CACNA1C: variants seen among roughly 807,000 people sequenced by gnomAD.
CACNA1C encodes calcium voltage-gated channel subunit alpha1 C.
In CACNA1C, 30 loss-of-function variants were observed where a neutral mutation model predicts 229.0. That is an observed-to-expected ratio of 0.13 (90% CI 0.10 to 0.18). The LOEUF is 0.18. Ranked by LOEUF, CACNA1C falls within the 10% of genes least tolerant of loss-of-function variation. The pLI is 1.00. For synonymous variants in CACNA1C, 1,114 were observed against 1,132.5 expected, an observed-to-expected ratio of 0.98 and a Z score of 0.33; for missense variants, 1,658 against 2,845.0, an observed-to-expected ratio of 0.58 and a Z score of 9.49.
At chr12:2,264,490 G>C (rs1420642491) in intron 3 of CACNA1C, among the ~76,000 whole-genome samples, 1 of 152,224 alleles carries the variant, frequency 6.6e-6, no homozygotes, top group African/African-American at 2.4e-5. Flanking sequence ...ACTTGTCCAA[G>C]TTAGAAGCTT....
At chr12:1,976,012 T>C (rs1432871046) in intron 1 of CACNA1C, among the ~76,000 whole-genome samples, 4 of 152,126 alleles carry the variant, frequency 2.6e-5, no homozygotes, top group Admixed American at 6.6e-5. Flanking sequence ...CACAGAAAAA[T>C]AGAAATACGA....
At chr12:2,634,256 G>A (rs780301259) in intron 29 of CACNA1C, 41 bp from the exon 30 acceptor site, 1 of 747,140 alleles carries the variant, frequency 1.3e-6, no homozygotes, top group Non-Finnish European at 1.8e-6. Flanking sequence ...TTTCTTGTTG[G>A]TTCTTCTTCT....
chr12:1,978,709 C>A (rs547588254), intron 1 of CACNA1C, among the ~76,000 whole-genome samples: 2 of 152,264 alleles, frequency 1.3e-5, no homozygotes, highest in South Asian at 4.1e-4. Flanking sequence ...CAGAGACAAC[C>A]AATTTTTTAC....
At chr12:2,664,737 G>A in intron 34 of CACNA1C, 88 bp from the exon 35 acceptor site, 1 of 1,097,808 alleles carries the variant, frequency 9.1e-7, no homozygotes, top group Non-Finnish European at 1.3e-6. Context: ...TGGGGAAGGA[G>A]GAAAGGGACA....
intron 3 of CACNA1C, among the ~76,000 whole-genome samples, chr12:2,256,002 A>AT (rs1463309875): frequency 2.0e-5 from 3 of 152,296 alleles, no homozygotes; most frequent in Admixed American, 6.5e-5. Context: ...CAATCACACG[A>AT]CCCTGACCTG....
At chr12:2,187,762 A>G (rs1450855474) in intron 3 of CACNA1C, among the ~76,000 whole-genome samples, 1 of 152,222 alleles carries the variant, frequency 6.6e-6, no homozygotes, top group Non-Finnish European at 1.5e-5. Context: ...GAGAAAGATT[A>G]CTAAGGAGCA....
In CACNA1C at chr12:2,597,121, C is replaced by A; in HGVS notation, c.2794-109C>A. 1 of 732,146 alleles carries A rather than the reference C, an allele frequency of 1.4e-6. No homozygotes were observed. The highest frequency in any genetic ancestry group is 1.7e-5 in the South Asian group (1 of 59,890). 45.4% of individuals were successfully genotyped at this position (732,146 alleles called of 1,614,324 possible). A position where few individuals can be genotyped will look rare whatever the true frequency, so the allele number is the denominator to read the frequency against. ...GCAAAGGCTTAAGTGCCAGGCATCT[C>A]ATTTTGAAGTGTGGCCCCTTTTCTG... On this transcript the variant is annotated intron_variant, in intron 20 of 46. Coordinates refer to ENST00000399655, the MANE Select transcript of CACNA1C (RefSeq NM_000719.7). The surrounding 1 kb of genome is among the most constrained non-coding windows in gnomAD (Gnocchi z 4.3).
chr12:2,462,436 CCACATCACCT>C (rs2099516703), intron 5 of CACNA1C, among the ~76,000 whole-genome samples: 1 of 152,212 alleles, frequency 6.6e-6, no homozygotes, highest in Non-Finnish European at 1.5e-5. Flanking sequence ...CTCCATTTCC[CCACATCACCT>C]CTCACCATCT....
chr12:2,143,894 C>T (rs914564126), intron 3 of CACNA1C, among the ~76,000 whole-genome samples: 6 of 150,748 alleles, frequency 4.0e-5, no homozygotes, highest in African/African-American at 1.5e-4. Flanking sequence ...TTGCTATTTC[C>T]TCTCTCCACC....
At chr12:2,049,509 A>C (rs1362443658), upstream of CACNA1C, 1 of 152,258 alleles carries the variant, frequency 6.6e-6, no homozygotes, top group African/African-American at 2.4e-5. Flanking sequence ...CTGTGGTCAC[A>C]TTTAAAAATC....
chr12:2,227,519 G>A (rs1227148840), intron 3 of CACNA1C, among the ~76,000 whole-genome samples: 1 of 152,192 alleles, frequency 6.6e-6, no homozygotes, highest in Non-Finnish European at 1.5e-5. Context: ...TGCTCAGCCT[G>A]TGGTGAATCA....
chr12:2,677,618 C>A lies in CACNA1C; in HGVS notation c.4957-115C>A. The A allele has an allele frequency of 8.3e-7, 1 of 1,211,962 alleles. No individual in the cohort carries two copies. Among genetic ancestry groups the A allele is most frequent in the Non-Finnish European group, 1.2e-6 (1 of 853,448 alleles). The allele number at this position is 1,211,962 out of a possible 1,614,324, so 75.1% of individuals were successfully genotyped here. On this transcript the variant is annotated intron_variant, in intron 40 of 46. Transcript: ENST00000399655. This position sits in a 1 kb window ranked among gnomAD's most constrained non-coding sequence, Gnocchi z 7.4. ...ACAAACCTTCCGGAGGGTCGACTGG[C>A]TGGGTGGAGGATGCCAGGGCCCTGG...
chr12:2,607,629 C>T (rs916787607), intron 26 of CACNA1C, among the ~76,000 whole-genome samples: 1 of 152,188 alleles, frequency 6.6e-6, no homozygotes, highest in Non-Finnish European at 1.5e-5. Flanking sequence ...GATGGAAGCC[C>T]GGGCCCCACT....
At chr12:2,390,304 G>A (rs2098461064) in intron 3 of CACNA1C, among the ~76,000 whole-genome samples, 2 of 152,206 alleles carry the variant, frequency 1.3e-5, no homozygotes. Context: ...AATGAGGACT[G>A]TCCTGGGCTA....
chr12:2,638,175 G>A (rs1267504490), intron 30 of CACNA1C, among the ~76,000 whole-genome samples: 10 of 152,244 alleles, frequency 6.6e-5, no homozygotes, highest in East Asian at 3.8e-4. Flanking sequence ...CTCATACGGT[G>A]TGTTAGAAGA....
rs925973610 is a variant in CACNA1C at position 2,664,738 on chromosome 12, G to GA, written c.4233-84dup. 45 of 1,109,744 alleles carry GA rather than the reference G, an allele frequency of 4.1e-5. No homozygotes were observed. In the African/African-American group the frequency reaches 7.0e-4, roughly 17 times the overall value. 68.7% of individuals were successfully genotyped at this position (1,109,744 alleles called of 1,614,324 possible). On this transcript the variant is annotated intron_variant, in intron 34 of 46. Transcript: ENST00000399655. ...TTAGTAACTCCCTCTGGGGAAGGAG[G>GA]AAAGGGACAGGTGGGGAGGGATGCA...
chr12:2,341,848 T>G (rs1162735567), intron 3 of CACNA1C, among the ~76,000 whole-genome samples: 3 of 152,116 alleles, frequency 2.0e-5, no homozygotes, highest in African/African-American at 7.2e-5. Context: ...GCTGTGATGA[T>G]CTGTTTACCG....
rs373907779 is a variant in CACNA1C, at chr12:2,631,237, TCCTTTCTTGAGCACTGACACTCACA to T, written c.3829-3055_3829-3031del. ...GGTGGATGAAGATTCCAACTCATCCTCCTTTCTTGAGCACTGACACTCACACCTTCCTCTCTCTCCTCCTCCTCCC... is the reference window on the plus strand; with the variant it reads ...GGTGGATGAAGATTCCAACTCATCCTCCTTCCTCTCTCTCCTCCTCCTCCC... On this transcript the variant is annotated intron_variant, in intron 29 of 46. Transcript: ENST00000399655. Among the ~76,000 whole-genome samples, 218 of 152,328 alleles carry T rather than the reference TCCTTTCTTGAGCACTGACACTCACA, an allele frequency of 1.4e-3. 1 individual carries two copies. Among genetic ancestry groups the T allele is most frequent in the African/African-American group, 4.9e-3 (202 of 41,568 alleles).
At chr12:2,180,639 A>G (rs1320227514) in intron 3 of CACNA1C, among the ~76,000 whole-genome samples, 1 of 152,202 alleles carries the variant, frequency 6.6e-6, no homozygotes, top group Non-Finnish European at 1.5e-5. Flanking sequence ...TGCGTTCTAG[A>G]ACATTTTTGC....
Sources: gnomAD v4.1 joint callset for allele counts (sites outside exome capture counted in the v4.1 genomes callset) on GRCh38, gnomAD v4.1.1 for gene constraint, Gnocchi (gnomAD v3.1) non-coding constraint, MANE v1.5 for transcripts, NCBI Gene and HGNC (gene_info 2026-07-23, HGNC 2026-07-21) for gene names.